AP3S2: variants seen among roughly 807,000 people sequenced by gnomAD.
The protein encoded by AP3S2 is adaptor related protein complex 3 subunit sigma 2, also known as AP-3 complex subunit sigma-2.
AP3S2 carries 22 observed loss-of-function variants against 23.4 expected under a neutral mutation model. The observed-to-expected ratio is 0.94, with a 90% CI of 0.67 to 1.34. AP3S2 has a LOEUF of 1.34. Among genes scored for constraint, AP3S2 ranks in the 40% most tolerant of loss-of-function variants. AP3S2 has a pLI of 0.00. For missense variants in AP3S2, 241 were observed against 236.9 expected (o/e 1.02, Z -0.11); for synonymous variants, 86 against 87.1 (o/e 0.99, Z 0.07).
chr15:89,868,198 C>T (rs1270291709), intron 4 of AP3S2, among the ~76,000 whole-genome samples: 3 of 57,302 alleles, frequency 5.2e-5, no homozygotes, highest in Admixed American at 1.5e-4. Flanking sequence ...CCAGCTGCCC[C>T]GTCCGGGAGG....
At chr15:89,868,587 G>A (rs28676374) in intron 4 of AP3S2, among the ~76,000 whole-genome samples, 18,139 of 74,010 alleles carry the variant, frequency 0.25, 668 homozygotes, top group East Asian at 0.34. Context: ...CCCTCCACCC[G>A]GCCAGCCGCC....
intron 4 of AP3S2, among the ~76,000 whole-genome samples, chr15:89,849,556 CG>C (rs752279914): frequency 1.0e-3 from 156 of 151,852 alleles, no homozygotes; most frequent in Middle Eastern, 3.4e-3. Context: ...TTAGTAGAGA[CG>C]GGGGTTTCAC....
At chr15:89,845,159 G>A (rs761996087) in intron 4 of AP3S2, among the ~76,000 whole-genome samples, 4 of 151,936 alleles carry the variant, frequency 2.6e-5, no homozygotes, top group South Asian at 2.1e-4. Context: ...TGCCTACCCC[G>A]GCCTCCCAAA....
rs1895108015 is a variant in AP3S2, at chr15:89,832,789, A to C, written c.*2726T>G. On this transcript the variant is annotated 3_prime_UTR_variant, in exon 6 of 6. Coordinates refer to ENST00000336418, the MANE Select transcript of AP3S2 (RefSeq NM_005829.5). ...AGGCGTGAGCCACCGCACCTGGCCA[A>C]CCTTAACCTATTTTTAAAAAAGATG... 1 of 152,138 alleles carries C rather than the reference A, an allele frequency of 6.6e-6. No individual in the cohort carries two copies. Among genetic ancestry groups the C allele is most frequent in the African/African-American group, 2.4e-5 (1 of 41,428 alleles). The allele number at this position is 152,138 out of a possible 1,614,324, so 9.4% of individuals were successfully genotyped here.
rs3837696 is a variant in AP3S2 at position 89,834,899 on chromosome 15, C to CA, written c.*615dup. The CA allele has an allele frequency of 0.033, 4,425 of 135,406 alleles. 130 individuals carry two copies. The highest frequency in any genetic ancestry group is 0.11 in the East Asian group (538 of 4,762). 8.4% of individuals were successfully genotyped at this position (135,406 alleles called of 1,614,324 possible). The stretch of plus-strand genomic sequence containing the variant: ...TGGGTGACAGAGCAAGACTCCACCT[C>CA]AAAAAAAAAAAACCACAAAAAAACA... On this transcript the variant is annotated 3_prime_UTR_variant, in exon 6 of 6. Coordinates refer to ENST00000336418, the MANE Select transcript of AP3S2 (RefSeq NM_005829.5).
chr15:89,893,759 C>G (rs1375474013), intron 1 of AP3S2, 122 bp downstream of exon 1: 2 of 943,230 alleles, frequency 2.1e-6, no homozygotes, highest in Non-Finnish European at 3.2e-6. Flanking sequence ...GGGCGAGGGT[C>G]ATGCTCGGTG....
intron 4 of AP3S2, among the ~76,000 whole-genome samples, chr15:89,869,796 C>T (rs1896276390): frequency 6.6e-6 from 1 of 151,846 alleles, no homozygotes; most frequent in African/African-American, 2.4e-5. Flanking sequence ...CTCTGTTGCC[C>T]AGGCTGGAGA....
At chr15:89,868,692 T>G (rs1596208774) in intron 4 of AP3S2, among the ~76,000 whole-genome samples, 2 of 92,414 alleles carry the variant, frequency 2.2e-5, no homozygotes, top group Non-Finnish European at 4.4e-5. Context: ...GGGAGGGAGG[T>G]GGGGGGGTCA....
intron 4 of AP3S2, among the ~76,000 whole-genome samples, chr15:89,866,319 G>T (rs955653946): frequency 1.4e-5 from 2 of 146,336 alleles, no homozygotes; most frequent in African/African-American, 5.1e-5. Context: ...CCTAGACAAT[G>T]AACTAGCTTA....
intron 4 of AP3S2, among the ~76,000 whole-genome samples, chr15:89,840,679 T>C (rs1182042202): frequency 1.3e-5 from 2 of 152,158 alleles, no homozygotes; most frequent in African/African-American, 4.8e-5. Flanking sequence ...CCCCCTGCCT[T>C]GGCCTCCCAA....
chr15:89,872,776 C>T lies in AP3S2; in HGVS notation c.274-1230G>A, dbSNP rs564297501. On this transcript the variant is annotated intron_variant, in intron 3 of 5. Coordinates refer to ENST00000336418, the MANE Select transcript of AP3S2 (RefSeq NM_005829.5). Reference sequence around the variant, plus strand: ...TATTGGAGCTGATCCTGCTCTGTCTCTTCTCTATGTAAGTAAAGCTTTATC... The same window carrying T: ...TATTGGAGCTGATCCTGCTCTGTCTTTTCTCTATGTAAGTAAAGCTTTATC... Among the ~76,000 whole-genome samples, 4 of 152,300 alleles carry T rather than the reference C, an allele frequency of 2.6e-5. No homozygotes were observed. The East Asian group carries it at 5.8e-4, about 22-fold the overall frequency.
chr15:89,884,090 C>T (rs1207908197), intron 3 of AP3S2: 2 of 154,120 alleles, frequency 1.3e-5, no homozygotes, highest in African/African-American at 4.8e-5. Context: ...GAATTCTGAA[C>T]CACATAACTA....
chr15:89,880,577 AG>A (rs529551528), intron 3 of AP3S2, among the ~76,000 whole-genome samples: 66 of 151,918 alleles, frequency 4.3e-4, no homozygotes, highest in Non-Finnish European at 9.1e-4. Flanking sequence ...AGGAGGCTGA[AG>A]CAGGAGAATC....
intron 3 of AP3S2, among the ~76,000 whole-genome samples, chr15:89,877,646 T>C (rs1428491025): frequency 6.6e-6 from 1 of 152,004 alleles, no homozygotes; most frequent in Non-Finnish European, 1.5e-5. Context: ...GCCAGGAGTT[T>C]AAGACCAGCC....
intron 3 of AP3S2, chr15:89,877,376 C>T (rs1896467594): frequency 4.6e-6 from 6 of 1,292,766 alleles, no homozygotes; most frequent in Non-Finnish European, 6.1e-6. Context: ...GCTAGTGTTC[C>T]AGTTTGTAGG....
chr15:89,863,881 C>A (rs939916488), intron 4 of AP3S2, among the ~76,000 whole-genome samples: 1 of 152,124 alleles, frequency 6.6e-6, no homozygotes, highest in African/African-American at 2.4e-5. Context: ...GTAAAAAGAT[C>A]ATTTTCTATT....
At chr15:89,845,337 C>T (rs1371343798) in intron 4 of AP3S2, 1 of 152,196 alleles carries the variant, frequency 6.6e-6, no homozygotes, top group Admixed American at 6.5e-5. Flanking sequence ...AGCAAAATGA[C>T]TCAAGTGTAA....
rs1020940186 is a variant in AP3S2, at chr15:89,843,867, G to T, written c.346-6145C>A. On this transcript the variant is annotated intron_variant, in intron 4 of 5. Transcript: ENST00000336418. ...ACGGCAAAAACTTACGGTGAGCACT[G>T]AAAACTACTTAACTGTAGGTCTAAG... is the stretch of plus-strand genomic sequence containing the variant. Among the ~76,000 whole-genome samples, 4 of 151,980 alleles carry T rather than the reference G, an allele frequency of 2.6e-5. No homozygotes were observed. The East Asian group carries it at 5.8e-4, about 22-fold the overall frequency.
At chr15:89,847,820 AAGTAAGATTTTC>A (rs1895534158) in intron 4 of AP3S2, among the ~76,000 whole-genome samples, 1 of 152,230 alleles carries the variant, frequency 6.6e-6, no homozygotes, top group Admixed American at 6.5e-5. Flanking sequence ...TAAAGGTAAT[AAGTAAGATTTTC>A]AAGGCTAGCA....
Sources: gnomAD v4.1 joint callset for allele counts (sites outside exome capture counted in the v4.1 genomes callset) on GRCh38, gnomAD v4.1.1 for gene constraint, MANE v1.5 for transcripts, NCBI Gene and HGNC (gene_info 2026-07-23, HGNC 2026-07-21) for gene names.